SYAP1: variants seen among roughly 807,000 people sequenced by gnomAD.
SYAP1 encodes the protein synapse associated protein 1, also known as synapse-associated protein 1.
Under a neutral mutation model 29.6 loss-of-function variants are expected in SYAP1, and 3 were observed. The observed-to-expected ratio is 0.10, with a 90% CI of 0.05 to 0.26. The LOEUF is 0.26. Among genes scored for constraint, SYAP1 ranks in the 10% least tolerant of loss-of-function variants. SYAP1 has a pLI of 1.00. For missense variants in SYAP1, 217 were observed against 264.1 expected (o/e 0.82, Z 1.24); for synonymous variants, 102 against 102.7 (o/e 0.99, Z 0.04).
intron 5 of SYAP1, 89 bp from the exon 6 acceptor site, chrX:16,754,856 G>A: frequency 1.1e-6 from 1 of 938,001 alleles, no homozygotes; most frequent in Non-Finnish European, 1.5e-6. Context: ...TTGTCTGTGT[G>A]CGTTCTCAAA....
chrX:16,735,370 T>G, intron 2 of SYAP1, 25 bp downstream of exon 2: 2 of 954,727 alleles, frequency 2.1e-6, no homozygotes, highest in Non-Finnish European at 2.9e-6. Context: ...CTTTTGGAAG[T>G]AGAAATGTAT....
chrX:16,759,455 T>C (rs1926934323), intron 8 of SYAP1, among the ~76,000 whole-genome samples: 1 of 111,818 alleles, frequency 8.9e-6, no homozygotes, highest in South Asian at 3.7e-4. Context: ...ACATAGCAGA[T>C]GCATTATCCT....
Position 16,764,719 on chromosome X carries a change from G to A in SYAP1, c.*4360G>A, listed in dbSNP as rs1433440848. 4 of 107,691 alleles carry A rather than the reference G, an allele frequency of 3.7e-5. No homozygotes were observed. 8.9% of individuals were successfully genotyped at this position (107,691 alleles called of 1,213,427 possible). ...AATTTTTTTTTTTCTTTTTGAGACA[G>A]GGTCTTGCTCTGTCACTCAGGCTAG... is the stretch of plus-strand genomic sequence containing the variant. On this transcript the variant is annotated 3_prime_UTR_variant, in exon 9 of 9. Transcript: ENST00000380155.
chrX:16,737,606 G>A (rs1399089602), intron 3 of SYAP1, among the ~76,000 whole-genome samples: 3 of 111,619 alleles, frequency 2.7e-5, no homozygotes, highest in Non-Finnish European at 5.6e-5. Flanking sequence ...TCTGAGATAC[G>A]AACTGTGAGG....
chrX:16,752,373 T>G (rs1926754173), intron 5 of SYAP1, among the ~76,000 whole-genome samples: 1 of 100,297 alleles, frequency 1.0e-5, no homozygotes, highest in African/African-American at 3.9e-5. Context: ...GGATTATTAT[T>G]ATTATTATTA....
chrX:16,757,276 G>A lies in SYAP1; in HGVS notation c.898G>A (p.Asp300Asn), dbSNP rs1434609927. ...LRKEMEQLVL[D>N]KKQEETAVLE... The stretch of plus-strand genomic sequence containing the variant: ...GAAAGAAATGGAGCAACTAGTGCTT[G>A]ACAAAAAGCAAGAGGAGACAGCCGT... The change falls in exon 8 of 9, where the codon GAC (aspartate) becomes AAC (asparagine). Residue 300 changes from aspartate (D) to asparagine (N), a missense_variant. Physicochemically the swap from Asp to Asn is conservative, Grantham distance 23. Transcript: ENST00000380155. 5 of 1,207,942 alleles carry A rather than the reference G, an allele frequency of 4.1e-6. No individual in the cohort carries two copies. Among genetic ancestry groups the A allele is most frequent in the African/African-American group, 1.8e-5 (1 of 56,974 alleles).
chrX:16,751,738 G>A (rs1195891012), intron 5 of SYAP1, among the ~76,000 whole-genome samples: 4 of 103,230 alleles, frequency 3.9e-5, no homozygotes, highest in Admixed American at 2.1e-4. Context: ...GAGTGCAATG[G>A]TACAATCTTG....
chrX:16,761,717 A>G lies in SYAP1; in HGVS notation c.*1358A>G, dbSNP rs763394957. The G allele has an allele frequency of 6.3e-5, 7 of 110,608 alleles. No individual in the cohort carries two copies. In the East Asian group the frequency reaches 1.7e-3, roughly 27 times the overall value. 9.1% of individuals were successfully genotyped at this position (110,608 alleles called of 1,213,427 possible). On this transcript the variant is annotated 3_prime_UTR_variant, in exon 9 of 9. Coordinates refer to ENST00000380155, the MANE Select transcript of SYAP1 (RefSeq NM_032796.4). Reference sequence around the variant, plus strand: ...TGAATGAATGAATGAACGAACGAACAAGGTGGTTTAATGTCAGAAAACTTC... The same window carrying G: ...TGAATGAATGAATGAACGAACGAACGAGGTGGTTTAATGTCAGAAAACTTC...
intron 8 of SYAP1, among the ~76,000 whole-genome samples, chrX:16,758,967 A>G (rs1227410193): frequency 9.6e-6 from 1 of 104,597 alleles, no homozygotes; most frequent in African/African-American, 3.5e-5. Context: ...GCGGATCACG[A>G]GGTCAGGAGA....
At chrX:16,737,758 G>A (rs768034240) in intron 3 of SYAP1, among the ~76,000 whole-genome samples, 9 of 112,045 alleles carry the variant, frequency 8.0e-5, no homozygotes, top group African/African-American at 1.9e-4. Context: ...CATCAGCCAC[G>A]TTTCAGGTCC....
intron 5 of SYAP1, among the ~76,000 whole-genome samples, chrX:16,746,177 CAAA>C (rs11307737): frequency 9.9e-4 from 63 of 63,859 alleles, no homozygotes; most frequent in Middle Eastern, 0.017. Flanking sequence ...TGTTTTATGG[CAAA>C]AAAAAAAAAA....
intron 5 of SYAP1, among the ~76,000 whole-genome samples, chrX:16,752,862 CTG>C (rs1370437661): frequency 2.7e-5 from 3 of 111,300 alleles, no homozygotes; most frequent in African/African-American, 9.8e-5. Context: ...TGCTTTGAAA[CTG>C]TGAATACTCT....
chrX:16,733,773 C>T (rs1267408062), intron 1 of SYAP1, among the ~76,000 whole-genome samples: 1 of 109,311 alleles, frequency 9.1e-6, no homozygotes. Context: ...TCAAGCAATT[C>T]TGCTGCCTCA....
At chrX:16,728,138 G>A (rs1397244254) in intron 1 of SYAP1, among the ~76,000 whole-genome samples, 2 of 111,603 alleles carry the variant, frequency 1.8e-5, no homozygotes, top group African/African-American at 6.5e-5. Context: ...ACTCTGAAAA[G>A]TAAAACAAAG....
chrX:16,757,792 T>C (rs1314268965), intron 8 of SYAP1, among the ~76,000 whole-genome samples: 1 of 104,884 alleles, frequency 9.5e-6, no homozygotes, highest in Non-Finnish European at 1.9e-5. Context: ...CAATTCCAGC[T>C]ACTCGGGAGG....
chrX:16,741,921 A>G (rs1926468837), intron 4 of SYAP1, 132 bp downstream of exon 4: 4 of 459,909 alleles, frequency 8.7e-6, no homozygotes, highest in South Asian at 9.4e-5. Context: ...GAATGTACAC[A>G]TTAACACATG....
At chrX:16,744,375 A>G in intron 5 of SYAP1, among the ~76,000 whole-genome samples, 1 of 112,484 alleles carries the variant, frequency 8.9e-6, no homozygotes. Context: ...TTCTGTCTCA[A>G]GCTCTTCCGT....
intron 7 of SYAP1, 114 bp from the exon 8 acceptor site, chrX:16,757,048 C>T (rs556963919): frequency 4.2e-6 from 4 of 958,536 alleles, no homozygotes; most frequent in Middle Eastern, 2.8e-4. Flanking sequence ...TCTTACAGCT[C>T]GCAGAGAAAA....
At chrX:16,736,335 A>G (rs982188199) in intron 3 of SYAP1, 103 bp downstream of exon 3, 2 of 516,371 alleles carry the variant, frequency 3.9e-6, no homozygotes, top group African/African-American at 2.4e-5. Context: ...ATGCATATGC[A>G]ATGGCCCCAT....
Sources: gnomAD v4.1 joint callset for allele counts (sites outside exome capture counted in the v4.1 genomes callset) on GRCh38, gnomAD v4.1.1 for gene constraint, MANE v1.5 for transcripts, NCBI Gene and HGNC (gene_info 2026-07-23, HGNC 2026-07-21) for gene names.